CCDC30: variants seen among roughly 807,000 people sequenced by gnomAD.
CCDC30 encodes coiled-coil domain containing 30.
In CCDC30, 70 loss-of-function variants were observed where a neutral mutation model predicts 100.2. The observed-to-expected ratio is 0.70, with a 90% confidence interval of 0.58 to 0.85. The LOEUF (loss-of-function observed/expected upper bound fraction) is 0.85, where lower values mean the gene tolerates loss of function less well. Ranked by LOEUF, CCDC30 falls within the 40% of genes least tolerant of loss-of-function variation. The probability of loss-of-function intolerance (pLI) is 0.00; values close to 1 mark genes in which losing one functional copy is unlikely to be tolerated. For missense variants in CCDC30, 652 were observed against 771.2 expected, an observed-to-expected ratio of 0.85 and a Z score of 1.83; for synonymous variants, 233 against 269.5, an observed-to-expected ratio of 0.86 and a Z score of 1.33.
In CCDC30 at chr1:42,637,228, C is replaced by A; in HGVS notation, c.1278-9C>A. 1 of 1,577,070 alleles carries A rather than the reference C, an allele frequency of 6.3e-7. No individual in the cohort carries two copies. The highest frequency in any genetic ancestry group is 8.6e-7 in the Non-Finnish European group (1 of 1,169,148). ...TCAGATGTGTCTAAACTCAAATTTACTTTTATAGAAACTATAATGAGAAAC... is the reference window on the plus strand; with the variant it reads ...TCAGATGTGTCTAAACTCAAATTTAATTTTATAGAAACTATAATGAGAAAC... On this transcript the variant is annotated splice_polypyrimidine_tract_variant and intron_variant, in intron 11 of 16. Transcript: ENST00000668663.
At chr1:42,566,382 A>G (rs1292062342) in exon 7 of CCDC30, 3 of 1,613,882 alleles carry the variant, frequency 1.9e-6, no homozygotes, top group East Asian at 2.2e-5. Flanking sequence ...TCCAGATTCT[A>G]TGCAACTCAG....
chr1:42,536,906 C>T (rs1295242138), intron 6 of CCDC30: 1 of 364,476 alleles, frequency 2.7e-6, no homozygotes, highest in Non-Finnish European at 5.1e-6. Context: ...TCTTCCTCTT[C>T]CTATAAAGGC....
chr1:42,508,663 A>G (rs1644431288), intron 6 of CCDC30, among the ~76,000 whole-genome samples: 1 of 151,998 alleles, frequency 6.6e-6, no homozygotes, highest in African/African-American at 2.4e-5. Context: ...GAGGGTGTGT[A>G]CGTGTGTGTG....
intron 6 of CCDC30, among the ~76,000 whole-genome samples, chr1:42,506,026 T>C (rs1371274693): frequency 6.6e-6 from 1 of 152,208 alleles, no homozygotes; most frequent in Non-Finnish European, 1.5e-5. Context: ...TTGCCATAAG[T>C]TAAGAATACG....
At chr1:42,651,125 G>A (rs368634791) in intron 15 of CCDC30, among the ~76,000 whole-genome samples, 3 of 152,226 alleles carry the variant, frequency 2.0e-5, no homozygotes, top group Admixed American at 6.5e-5. Context: ...AAAACTACTA[G>A]AAGAACACTA....
At chr1:42,621,448 T>A (rs1207184359) in intron 11 of CCDC30, among the ~76,000 whole-genome samples, 1 of 152,008 alleles carries the variant, frequency 6.6e-6, no homozygotes, top group African/African-American at 2.4e-5. Context: ...CCACAGTAGC[T>A]GGGACTGCAG....
At chr1:42,496,744 A>AT (rs1005187429) in intron 4 of CCDC30, among the ~76,000 whole-genome samples, 3 of 152,038 alleles carry the variant, frequency 2.0e-5, no homozygotes, top group African/African-American at 4.8e-5. Flanking sequence ...ACTGAAAGGC[A>AT]TTTTTTTTGG....
intron 16 of CCDC30, 111 bp downstream of exon 20, chr1:42,653,554 AG>A (rs1464293460): frequency 1.4e-6 from 1 of 731,018 alleles, no homozygotes; most frequent in African/African-American, 1.8e-5. Flanking sequence ...GAGAAGGCAT[AG>A]CTTTCTGGGG....
intron 3 of CCDC30, chr1:42,483,056 C>G: frequency 3.2e-6 from 1 of 310,440 alleles, no homozygotes; most frequent in Non-Finnish European, 5.8e-6. Flanking sequence ...TTCCCAGCCT[C>G]TCAGAAGTCC....
intron 10 of CCDC30, among the ~76,000 whole-genome samples, chr1:42,598,059 T>C (rs766773878): frequency 4.6e-5 from 7 of 151,888 alleles, no homozygotes; most frequent in Non-Finnish European, 7.4e-5. Context: ...TCCCAACTAC[T>C]TGGGAGGTTG....
intron 10 of CCDC30, among the ~76,000 whole-genome samples, chr1:42,598,091 C>A (rs540337303): frequency 4.3e-4 from 65 of 152,140 alleles, no homozygotes; most frequent in African/African-American, 1.5e-3. Flanking sequence ...TCGCTTGAGC[C>A]CAGGAGTTCA....
At chr1:42,644,325 G>C (rs528486758) in intron 13 of CCDC30, among the ~76,000 whole-genome samples, 1 of 152,078 alleles carries the variant, frequency 6.6e-6, no homozygotes, top group African/African-American at 2.4e-5. Context: ...GGGAGGAGAG[G>C]CCTGTCTCTC....
At chr1:42,505,694 A>G (rs1557812156) in intron 6 of CCDC30, among the ~76,000 whole-genome samples, 1 of 152,220 alleles carries the variant, frequency 6.6e-6, no homozygotes. Flanking sequence ...AAGTCCAGCC[A>G]TGGGTTTTTA....
chr1:42,575,060 A>G (rs1645804897), intron 7 of CCDC30, among the ~76,000 whole-genome samples: 1 of 152,210 alleles, frequency 6.6e-6, no homozygotes, highest in Non-Finnish European at 1.5e-5. Context: ...TAAATTTTAG[A>G]TTCATTTTAT....
intron 4 of CCDC30, among the ~76,000 whole-genome samples, chr1:42,490,504 A>G (rs1481910349): frequency 6.6e-6 from 1 of 151,358 alleles, no homozygotes; most frequent in Non-Finnish European, 1.5e-5. Context: ...AATTAAAATA[A>G]TAAGTACTAC....
intron 3 of CCDC30, among the ~76,000 whole-genome samples, chr1:42,489,213 A>G (rs970920038): frequency 6.6e-6 from 1 of 152,190 alleles, no homozygotes; most frequent in Non-Finnish European, 1.5e-5. Context: ...CCAGCCATAC[A>G]GTTTACTAGT....
At chr1:42,641,262 G>GT (rs1557486540) in intron 12 of CCDC30, among the ~76,000 whole-genome samples, 2 of 122,450 alleles carry the variant, frequency 1.6e-5, no homozygotes, top group African/African-American at 3.2e-5. Flanking sequence ...TGTGTGTGTG[G>GT]AGACGGGGTC....
chr1:42,611,529 T>C (rs1278388476), intron 11 of CCDC30, among the ~76,000 whole-genome samples: 2 of 151,150 alleles, frequency 1.3e-5, no homozygotes, highest in African/African-American at 4.8e-5. Context: ...ATTACATATA[T>C]GGTACTTATA....
intron 10 of CCDC30, among the ~76,000 whole-genome samples, chr1:42,600,725 T>G (rs1478902716): frequency 2.0e-5 from 3 of 152,050 alleles, no homozygotes; most frequent in South Asian, 4.2e-4. Context: ...TTCTGATGGT[T>G]TAGCACCATA....
Sources: allele counts gnomAD v4.1 joint callset (sites outside exome capture counted in the v4.1 genomes callset), GRCh38; gene constraint gnomAD v4.1.1; transcripts MANE v1.5; gene names NCBI Gene and HGNC (gene_info 2026-07-23, HGNC 2026-07-21).